The following CLMP variants were observed in gnomAD, a reference collection of about 807,000 sequenced individuals.
CLMP encodes CXADR like cell adhesion molecule.
A neutral mutation model predicts 45.2 loss-of-function variants in CLMP; 27 were observed. The ratio of observed to expected loss-of-function variants is 0.60; its 90% CI spans 0.44 to 0.82. The LOEUF (loss-of-function observed/expected upper bound fraction) is 0.82, where lower values mean the gene tolerates loss of function less well. Among genes scored for constraint, CLMP ranks in the 40% least tolerant of loss-of-function variants. The pLI, the probability that CLMP is intolerant of heterozygous loss-of-function variation, is 0.00. For missense variants in CLMP, 403 were observed against 448.4 expected (o/e 0.90, Z 0.91); for synonymous variants, 167 against 171.4 (o/e 0.97, Z 0.20).
chr11:123,130,866 G>A (rs1234989373), intron 1 of CLMP, among the ~76,000 whole-genome samples: 14 of 134,674 alleles, frequency 1.0e-4, no homozygotes, highest in African/African-American at 2.8e-4. Context: ...TTTTTGAGAC[G>A]GAGTCTCACT....
chr11:123,125,979 G>C (rs979047935), intron 1 of CLMP, among the ~76,000 whole-genome samples: 1 of 152,054 alleles, frequency 6.6e-6, no homozygotes, highest in African/African-American at 2.4e-5. Context: ...AATGTGCTGG[G>C]CTAGAGTATA....
At chr11:123,163,198 T>G (rs1252213759) in intron 1 of CLMP, among the ~76,000 whole-genome samples, 1 of 152,120 alleles carries the variant, frequency 6.6e-6, no homozygotes, top group African/African-American at 2.4e-5. Context: ...GAGTTCCCAT[T>G]GAAAATGCCA....
intron 1 of CLMP, among the ~76,000 whole-genome samples, chr11:123,157,686 G>A (rs954796308): frequency 5.3e-5 from 7 of 132,970 alleles, no homozygotes; most frequent in Admixed American, 9.1e-5. Context: ...CCAAGATCTC[G>A]CCACTTCACT....
intron 1 of CLMP, among the ~76,000 whole-genome samples, chr11:123,108,546 G>A (rs1183328198): frequency 6.6e-6 from 1 of 152,042 alleles, no homozygotes; most frequent in Non-Finnish European, 1.5e-5. Context: ...CTCCTTCCCA[G>A]CCTGTGGGTT....
intron 1 of CLMP, among the ~76,000 whole-genome samples, chr11:123,162,343 GA>G (rs1861497457): frequency 6.6e-6 from 1 of 152,306 alleles, no homozygotes; most frequent in African/African-American, 2.4e-5. Flanking sequence ...GATTATTTAT[GA>G]TTTATAACAC....
chr11:123,090,283 A>C (rs1442867519), intron 2 of CLMP, among the ~76,000 whole-genome samples: 3 of 130,446 alleles, frequency 2.3e-5, no homozygotes, highest in East Asian at 2.1e-4. Context: ...CATCTCCACT[A>C]AAATACAAAA....
chr11:123,116,102 G>A (rs1860716746), intron 1 of CLMP, among the ~76,000 whole-genome samples: 1 of 151,896 alleles, frequency 6.6e-6, no homozygotes, highest in Admixed American at 6.6e-5. Flanking sequence ...GGTAGGTGAT[G>A]CAAAAAAGAG....
At chr11:123,128,247 A>T (rs1220961671) in intron 1 of CLMP, among the ~76,000 whole-genome samples, 1 of 147,916 alleles carries the variant, frequency 6.8e-6, no homozygotes, top group Non-Finnish European at 1.5e-5. Context: ...AAGAAAAAAA[A>T]AAAACAACTC....
intron 2 of CLMP, among the ~76,000 whole-genome samples, chr11:123,090,304 A>AT (rs1330238163): frequency 7.3e-5 from 11 of 150,618 alleles, no homozygotes; most frequent in African/African-American, 2.4e-4. Context: ...AAAAAAAAAA[A>AT]ATAGCTGGGC....
At position 123,070,337 on chromosome 11, in the gene CLMP, C is replaced by T. The variant is rs914606366; in HGVS notation, c.*3137G>A. The T allele has an allele frequency of 2.0e-5, 3 of 152,172 alleles. No homozygotes were observed. The highest frequency in any genetic ancestry group is 7.2e-5 in the African/African-American group (3 of 41,436). The allele number at this position is 152,172 out of a possible 1,614,324, so 9.4% of individuals were successfully genotyped here. On this transcript the variant is annotated 3_prime_UTR_variant, in exon 7 of 7. Transcript: ENST00000448775. ...GCCCAGAACCTGTCAAAGAGAAGTG[C>T]AGTATCATTGCTAAGACTTGAACAG...
intron 6 of CLMP, 140 bp from the exon 7 acceptor site, chr11:123,073,914 C>T: frequency 1.3e-6 from 1 of 791,444 alleles, no homozygotes; most frequent in Non-Finnish European, 2.0e-6. Context: ...ATAGGTGCTT[C>T]CTCGTATCTT....
chr11:123,183,497 C>T (rs1333930217), intron 1 of CLMP, among the ~76,000 whole-genome samples: 2 of 152,086 alleles, frequency 1.3e-5, no homozygotes, highest in Non-Finnish European at 2.9e-5. Context: ...TCCCAAAGTG[C>T]TGGAATTACA....
intron 1 of CLMP, among the ~76,000 whole-genome samples, chr11:123,101,618 C>G (rs983071340): frequency 2.0e-5 from 3 of 152,174 alleles, no homozygotes; most frequent in Non-Finnish European, 4.4e-5. Context: ...TCTGAAACGG[C>G]CTTGGCAAGT....
chr11:123,159,809 T>C (rs1591481792), intron 1 of CLMP, among the ~76,000 whole-genome samples: 1 of 152,220 alleles, frequency 6.6e-6, no homozygotes, highest in Non-Finnish European at 1.5e-5. Context: ...AAAATTATTT[T>C]CAATTTCTAG....
intron 1 of CLMP, among the ~76,000 whole-genome samples, chr11:123,153,012 C>T (rs560338610): frequency 1.4e-4 from 21 of 152,268 alleles, no homozygotes; most frequent in African/African-American, 4.6e-4. Flanking sequence ...TCATTGAGGA[C>T]GTTTATTCTT....
At chr11:123,102,818 A>C (rs1860473595) in intron 1 of CLMP, among the ~76,000 whole-genome samples, 2 of 150,018 alleles carry the variant, frequency 1.3e-5, no homozygotes, top group African/African-American at 4.9e-5. Context: ...CAGCCTCCCA[A>C]AGTGCTGGAA....
intron 5 of CLMP, among the ~76,000 whole-genome samples, chr11:123,077,413 C>A (rs1865754073): frequency 6.6e-6 from 1 of 152,152 alleles, no homozygotes; most frequent in African/African-American, 2.4e-5. Context: ...CTTACCGCAA[C>A]CTCTGCCTCC....
chr11:123,103,708 C>A (rs1276615192), intron 1 of CLMP, among the ~76,000 whole-genome samples: 2 of 150,590 alleles, frequency 1.3e-5, no homozygotes, highest in Non-Finnish European at 1.5e-5. Context: ...TTTTTTCTTT[C>A]TTTCTTTCTT....
intron 1 of CLMP, among the ~76,000 whole-genome samples, chr11:123,181,202 C>T (rs992957103): frequency 4.6e-5 from 7 of 152,182 alleles, no homozygotes; most frequent in African/African-American, 1.7e-4. Context: ...GTGAGTTGCT[C>T]AGTCACTTCC....
Sources: gnomAD v4.1 joint callset for allele counts (sites outside exome capture counted in the v4.1 genomes callset) on GRCh38, gnomAD v4.1.1 for gene constraint, MANE v1.5 for transcripts, NCBI Gene and HGNC (gene_info 2026-07-23, HGNC 2026-07-21) for gene names.